The following CALN1 variants were observed in gnomAD, a reference collection of about 807,000 sequenced individuals.
CALN1 encodes calcium-binding protein 8.
In CALN1, 17 loss-of-function variants were observed where a neutral mutation model predicts 30.6. The observed-to-expected ratio is 0.56, with a 90% CI of 0.38 to 0.83. The LOEUF is 0.83. Among genes scored for constraint, CALN1 ranks in the 40% least tolerant of loss-of-function variants. The probability of loss-of-function intolerance (pLI) is 0.00; values close to 1 mark genes in which losing one functional copy is unlikely to be tolerated. For missense variants in CALN1, 291 were observed against 354.9 expected (o/e 0.82, Z 1.45); for synonymous variants, 156 against 131.4 (o/e 1.19, Z -1.28).
Position 72,098,762 on chromosome 7 carries a change from G to GCACACACACA in CALN1, c.388+7388_388+7389insTGTGTGTGTG, listed in dbSNP as rs1491515765. ...CTCTGAGCAGTTCAGCCCATTTGGC[G>GCACACACACA]CGCACACACACACACACACACACAC... On this transcript the variant is annotated intron_variant, in intron 4 of 6. Coordinates refer to ENST00000395275, the MANE Select transcript of CALN1 (RefSeq NM_031468.4). Among the ~76,000 whole-genome samples, 279 of 115,374 alleles carry GCACACACACA rather than the reference G, an allele frequency of 2.4e-3. 1 individual carries two copies. Among genetic ancestry groups the GCACACACACA allele is most frequent in the African/African-American group, 7.5e-3 (222 of 29,518 alleles). 75.7% of individuals were successfully genotyped at this position (115,374 alleles called of 152,430 possible).
rs1323124571 is a variant in CALN1 at position 71,786,207 on chromosome 7, CCTACCCA to C, written c.*1561_*1567del. 6.6e-6 allele frequency: 1 copy of C among 152,252 alleles called. No homozygotes were observed. Among genetic ancestry groups the C allele is most frequent in the East Asian group, 1.9e-4 (1 of 5,198 alleles). The allele number at this position is 152,252 out of a possible 1,614,324, so 9.4% of individuals were successfully genotyped here. On this transcript the variant is annotated 3_prime_UTR_variant, in exon 7 of 7. Transcript: ENST00000395275. ...AGGAACACACAACGCACCAAAAAAT[CCTACCCA>C]CTGCATAGAGACAAGAAAGCTTCTG...
chr7:71,945,646 C>T (rs2129523366), intron 5 of CALN1, among the ~76,000 whole-genome samples: 1 of 152,306 alleles, frequency 6.6e-6, no homozygotes, highest in Non-Finnish European at 1.5e-5. Context: ...CTAGATTGTG[C>T]ACTCCTTGTG....
intron 5 of CALN1, among the ~76,000 whole-genome samples, chr7:71,978,962 G>A (rs1334067635): frequency 6.6e-6 from 1 of 152,160 alleles, no homozygotes; most frequent in Non-Finnish European, 1.5e-5. Flanking sequence ...TCTTTTCAAG[G>A]ATGTTTGCAG....
intron 3 of CALN1, among the ~76,000 whole-genome samples, chr7:72,167,908 G>C (rs1018136287): frequency 1.3e-5 from 2 of 152,160 alleles, no homozygotes; most frequent in African/African-American, 4.8e-5. Flanking sequence ...AAGCTCCAAA[G>C]ACTTGGCAGA....
intron 4 of CALN1, among the ~76,000 whole-genome samples, chr7:72,090,257 G>A (rs1048292769): frequency 3.9e-5 from 6 of 152,122 alleles, no homozygotes; most frequent in Non-Finnish European, 7.4e-5. Flanking sequence ...AGCTGAGATC[G>A]CGCCACTGCA....
At chr7:72,029,969 T>C (rs912765244) in intron 4 of CALN1, among the ~76,000 whole-genome samples, 3 of 152,192 alleles carry the variant, frequency 2.0e-5, no homozygotes, top group Admixed American at 2.0e-4. Context: ...GGGAGCAATC[T>C]TGTGGGACTG....
chr7:71,928,313 T>A (rs1795372475), intron 5 of CALN1, among the ~76,000 whole-genome samples: 2 of 152,150 alleles, frequency 1.3e-5, no homozygotes, highest in African/African-American at 4.8e-5. Flanking sequence ...CATCTCTACC[T>A]CCTTGGTTTC....
chr7:72,260,221 A>G (rs1562806690), intron 3 of CALN1, among the ~76,000 whole-genome samples: 1 of 152,202 alleles, frequency 6.6e-6, no homozygotes, highest in African/African-American at 2.4e-5. Context: ...AATATAAAAT[A>G]AAGCAAAAGC....
intron 4 of CALN1, among the ~76,000 whole-genome samples, chr7:72,032,383 G>T (rs550861133): frequency 6.6e-6 from 1 of 152,146 alleles, no homozygotes; most frequent in South Asian, 2.1e-4. Context: ...TAGAGACAGG[G>T]TCTCACTATG....
At position 72,140,477 on chromosome 7, in the gene CALN1, C is replaced by T. The variant is rs147443782; in HGVS notation, c.245-34183G>A. The stretch of plus-strand genomic sequence containing the variant: ...GACCTGCCCAGACAATTTTAGCACA[C>T]GCAGCTCTACAGTGAGACCCACTCA... On this transcript the variant is annotated intron_variant, in intron 3 of 6. Coordinates refer to ENST00000395275, the MANE Select transcript of CALN1 (RefSeq NM_031468.4). 3.3e-3 allele frequency among the ~76,000 whole-genome samples: 506 copies of T among 152,246 alleles called. 4 individuals carry two copies. The highest frequency in any genetic ancestry group is 7.7e-3 in the Admixed American group (118 of 15,292).
At chr7:72,457,840 C>T in the CALN1 span, among the ~76,000 whole-genome samples, 2 of 151,082 alleles carry the variant, frequency 1.3e-5, no homozygotes, top group African/African-American at 2.4e-5. Context: ...ACTGCAGCCT[C>T]GACCTCTCAG....
chr7:72,486,830 T>C, the CALN1 span, among the ~76,000 whole-genome samples: 2 of 152,250 alleles, frequency 1.3e-5, no homozygotes, highest in African/African-American at 4.8e-5. Context: ...ACTGATTACC[T>C]ACTATATGGT....
intron 3 of CALN1, among the ~76,000 whole-genome samples, chr7:72,169,488 T>TC (rs36079330): frequency 2.1e-4 from 16 of 74,864 alleles, no homozygotes; most frequent in Admixed American, 8.3e-4. Context: ...CCCAGCTGAT[T>TC]ATTTTTTTTT....
intron 2 of CALN1, among the ~76,000 whole-genome samples, chr7:72,297,525 C>T (rs1798947719): frequency 6.6e-6 from 1 of 152,124 alleles, no homozygotes; most frequent in South Asian, 2.1e-4. Flanking sequence ...TAACTTTGCA[C>T]TCAAGATAAA....
At chr7:72,067,688 G>A (rs1021555196) in intron 4 of CALN1, among the ~76,000 whole-genome samples, 2 of 152,096 alleles carry the variant, frequency 1.3e-5, no homozygotes, top group Non-Finnish European at 2.9e-5. Context: ...ACAACCAATC[G>A]CTATGCTAAG....
chr7:72,377,121 G>A (rs1413601189), intron 2 of CALN1, among the ~76,000 whole-genome samples: 1 of 152,140 alleles, frequency 6.6e-6, no homozygotes, highest in East Asian at 1.9e-4. Flanking sequence ...ATCAGAAAGT[G>A]AGTCCTCCAA....
chr7:71,830,179 G>T (rs987311294), intron 5 of CALN1, among the ~76,000 whole-genome samples: 3 of 150,604 alleles, frequency 2.0e-5, no homozygotes, highest in Non-Finnish European at 4.4e-5. Flanking sequence ...GAATAGCTGG[G>T]ATTACAGCCA....
chr7:72,257,445 TTAAAAATAAAAAAAAA>T (rs1205468465), intron 3 of CALN1, among the ~76,000 whole-genome samples: 1 of 143,762 alleles, frequency 7.0e-6, no homozygotes, highest in Non-Finnish European at 1.5e-5. Flanking sequence ...GGCCACAATT[TTAAAAATAAAAAAAAA>T]TAGATGTTGG....
intron 2 of CALN1, among the ~76,000 whole-genome samples, 186 bp from the exon 3 acceptor site, chr7:72,278,996 A>G (rs1183274672): frequency 6.6e-6 from 1 of 152,210 alleles, no homozygotes; most frequent in Non-Finnish European, 1.5e-5. Flanking sequence ...AAAGGAATTC[A>G]GGTTTTTCCC....
Sources: allele counts gnomAD v4.1 joint callset (sites outside exome capture counted in the v4.1 genomes callset), GRCh38; gene constraint gnomAD v4.1.1; transcripts MANE v1.5; gene names NCBI Gene and HGNC (gene_info 2026-07-23, HGNC 2026-07-21).